The following ALK variants were observed in gnomAD, a reference collection of about 807,000 sequenced individuals.
ALK encodes ALK receptor tyrosine kinase, also known as ALK tyrosine kinase receptor.
In ALK, 74 loss-of-function variants were observed where a neutral mutation model predicts 163.1. The observed-to-expected ratio is 0.45, with a 90% CI of 0.38 to 0.55. The LOEUF (loss-of-function observed/expected upper bound fraction) is 0.55. ALK is among the 20% of genes least tolerant of loss of function. The pLI is 0.00. For synonymous variants in ALK, 960 were observed against 843.2 expected (o/e 1.14, Z -2.40); for missense variants, 2,063 against 2,105.3 (o/e 0.98, Z 0.39).
Position 29,335,035 on chromosome 2 carries a change from G to A in ALK, c.1283-6554C>T, listed in dbSNP as rs113827663. On this transcript the variant is annotated intron_variant, in intron 5 of 28. Coordinates refer to ENST00000389048, the MANE Select transcript of ALK (RefSeq NM_004304.5). Reference sequence around the variant, plus strand: ...GGCCTGCGGTGTAGAGTATCCTGAGGCCCCGGCTGGCCACAGCCTGCAGAG... The same window carrying A: ...GGCCTGCGGTGTAGAGTATCCTGAGACCCCGGCTGGCCACAGCCTGCAGAG... Among the ~76,000 whole-genome samples, 810 of 152,258 alleles carry A rather than the reference G, an allele frequency of 5.3e-3. 3 individuals carry two copies. Among genetic ancestry groups the A allele is most frequent in the Non-Finnish European group, 7.4e-3 (501 of 68,006 alleles).
At chr2:29,604,015 ATAAG>A (rs1243067643) in intron 3 of ALK, among the ~76,000 whole-genome samples, 3 of 152,102 alleles carry the variant, frequency 2.0e-5, no homozygotes, top group African/African-American at 7.2e-5. Context: ...CACTTCTCCC[ATAAG>A]TAAGTACCAC....
intron 3 of ALK, among the ~76,000 whole-genome samples, chr2:29,567,210 G>T (rs555867831): frequency 2.6e-5 from 4 of 152,292 alleles, no homozygotes; most frequent in Non-Finnish European, 2.9e-5. Flanking sequence ...AACACCTTTT[G>T]GTTGTCTTAC....
intron 9 of ALK, among the ~76,000 whole-genome samples, chr2:29,289,738 G>A (rs2148225930): frequency 6.6e-6 from 1 of 152,294 alleles, no homozygotes; most frequent in Middle Eastern, 3.4e-3. Flanking sequence ...TTCCTGGCAT[G>A]TGTCTGCTGA....
chr2:29,671,261 C>G (rs77881448), intron 3 of ALK, among the ~76,000 whole-genome samples: 1 of 151,982 alleles, frequency 6.6e-6, no homozygotes, highest in African/African-American at 2.4e-5. Context: ...CTGCCTGTTC[C>G]AAATGGGGGA....
chr2:29,223,217 G>A (rs1357476304), intron 20 of ALK, 125 bp downstream of exon 20: 3 of 974,808 alleles, frequency 3.1e-6, no homozygotes, highest in Non-Finnish European at 4.8e-6. Context: ...CTCCTAGGAG[G>A]GCTAGGGGTG....
intron 4 of ALK, among the ~76,000 whole-genome samples, chr2:29,434,989 G>T (rs1012707720): frequency 2.0e-5 from 3 of 152,092 alleles, no homozygotes; most frequent in Non-Finnish European, 2.9e-5. Flanking sequence ...TTTGCCCAAG[G>T]TTACACAATT....
At chr2:29,223,943 CGAGG>C in intron 19 of ALK, 3 of 308,232 alleles carry the variant, frequency 9.7e-6, no homozygotes, top group South Asian at 5.8e-5. Context: ...CCCACGTGAA[CGAGG>C]GAGGGAGGGA....
intron 1 of ALK, among the ~76,000 whole-genome samples, chr2:29,734,360 A>C (rs6735852): frequency 0.064 from 9,771 of 152,246 alleles, 826 homozygotes; most frequent in African/African-American, 0.2. Context: ...TTTTAACATG[A>C]AAAAAAGATA....
At chr2:29,494,405 T>G (rs1671975355) in intron 4 of ALK, among the ~76,000 whole-genome samples, 1 of 151,850 alleles carries the variant, frequency 6.6e-6, no homozygotes, top group South Asian at 2.1e-4. Context: ...ACAGAGAGCT[T>G]GGTGAATGAG....
intron 1 of ALK, among the ~76,000 whole-genome samples, chr2:29,784,396 A>G (rs938228892): frequency 1.3e-5 from 2 of 152,116 alleles, no homozygotes; most frequent in African/African-American, 4.8e-5. Context: ...GGTTGAGTGG[A>G]GTTAAAGAAC....
At chr2:29,446,145 A>AAAAT (rs1553316606) in intron 4 of ALK, among the ~76,000 whole-genome samples, 2 of 131,570 alleles carry the variant, frequency 1.5e-5, no homozygotes, top group Admixed American at 1.7e-4. Flanking sequence ...CTGTCTCAAA[A>AAAAT]AAACAAACAA....
intron 8 of ALK, among the ~76,000 whole-genome samples, chr2:29,299,068 G>A (rs1666289734): frequency 1.3e-5 from 2 of 152,138 alleles, no homozygotes; most frequent in African/African-American, 4.8e-5. Context: ...AACTGCTGCC[G>A]CTAGTTACTT....
At chr2:29,750,265 G>A (rs897787845) in intron 1 of ALK, among the ~76,000 whole-genome samples, 3 of 152,118 alleles carry the variant, frequency 2.0e-5, no homozygotes, top group Non-Finnish European at 4.4e-5. Context: ...ATAGCCTATC[G>A]ATCCCAGGCC....
At chr2:29,725,154 CAAAAA>C (rs757959526) in intron 1 of ALK, among the ~76,000 whole-genome samples, 24 of 67,396 alleles carry the variant, frequency 3.6e-4, no homozygotes, top group African/African-American at 1.2e-3. Context: ...TATCCTATAC[CAAAAA>C]AAAAAAAAAA....
At chr2:29,337,230 A>G (rs1186835880) in intron 5 of ALK, among the ~76,000 whole-genome samples, 1 of 152,202 alleles carries the variant, frequency 6.6e-6, no homozygotes, top group African/African-American at 2.4e-5. Flanking sequence ...AGTGTGGACA[A>G]CCTCATTAAA....
At chr2:29,532,250 C>A (rs548834874) in intron 3 of ALK, 134 bp from the exon 4 acceptor site, 3 of 827,592 alleles carry the variant, frequency 3.6e-6, no homozygotes, top group South Asian at 1.5e-5. Flanking sequence ...TCTGCATGCA[C>A]CCAGCCTTCT....
At chr2:29,244,478 C>T (rs1664601290) in intron 12 of ALK, among the ~76,000 whole-genome samples, 1 of 152,294 alleles carries the variant, frequency 6.6e-6, no homozygotes, top group South Asian at 2.1e-4. Flanking sequence ...GGGGCCGGCC[C>T]AGGTTCCACT....
At chr2:29,273,446 C>T (rs565380847) in intron 11 of ALK, among the ~76,000 whole-genome samples, 1 of 152,334 alleles carries the variant, frequency 6.6e-6, no homozygotes, top group South Asian at 2.1e-4. Flanking sequence ...GAGTCATCGC[C>T]ACGTGTGAGC....
chr2:29,239,782 C>G lies in ALK; in HGVS notation c.2253G>C (p.Met751Ile). 1 of 1,614,062 alleles carries G rather than the reference C, an allele frequency of 6.2e-7. No individual in the cohort carries two copies. Among genetic ancestry groups the G allele is most frequent in the Non-Finnish European group, 8.5e-7 (1 of 1,180,028 alleles). ...AAGGKGGKNT[M>I]MRSHGVSVLG... is the part of the protein sequence containing the mutation. The stretch of plus-strand genomic sequence containing the variant: ...GCACAGACACGCCGTGGGACCGCAT[C>G]ATGGTGTTCTTCCCGCCTTTCCCGC... The change falls in exon 13 of 29, where the codon ATG becomes ATC. Residue 751 changes from methionine (M) to isoleucine (I), a missense_variant. By Grantham distance (10) the Met-to-Ile change is conservative. Around this residue, in one of 5 missense-constraint regions of ALK, gnomAD observed 575 missense variants for 626.6 expected, o/e 0.92. Coordinates refer to ENST00000389048, the MANE Select transcript of ALK (RefSeq NM_004304.5).
Sources: gnomAD v4.1 joint callset for allele counts (sites outside exome capture counted in the v4.1 genomes callset) on GRCh38, gnomAD v4.1.1 for gene constraint, gnomAD v4.1.1 regional missense constraint, MANE v1.5 for transcripts, NCBI Gene and HGNC (gene_info 2026-07-23, HGNC 2026-07-21) for gene names.